Variants in FOXP2 observed in about 807,000 individuals in gnomAD.
FOXP2 encodes forkhead box protein P2.
A neutral mutation model predicts 115.8 loss-of-function variants in FOXP2; 12 were observed. That is an observed-to-expected ratio of 0.10 (90% CI 0.07 to 0.17). The LOEUF is 0.17. Ranked by LOEUF, FOXP2 falls within the 10% of genes least tolerant of loss-of-function variation. The probability of loss-of-function intolerance (pLI) is 1.00; values close to 1 mark genes in which losing one functional copy is unlikely to be tolerated. For missense variants in FOXP2, 629 were observed against 843.5 expected, an observed-to-expected ratio of 0.75 and a Z score of 3.15; for synonymous variants, 328 against 297.7, an observed-to-expected ratio of 1.10 and a Z score of -1.05.
Position 114,311,578 on chromosome 7 carries a change from C to T in FOXP2, c.-11+23469C>T, listed in dbSNP as rs572952952. On this transcript the variant is annotated intron_variant, in intron 2 of 17. Coordinates refer to the FOXP2 transcript ENST00000634411. ...AACGCCATTTAGTTATATTCTGGTG[C>T]GTTTTCCTTCTGCAGGAACTCAAAC... Among the ~76,000 whole-genome samples, 11 of 152,204 alleles carry T rather than the reference C, an allele frequency of 7.2e-5. No individual in the cohort carries two copies. In the South Asian group the frequency reaches 2.1e-3, roughly 29 times the overall value.
At chr7:114,376,433 A>G (rs933537419) in intron 2 of FOXP2, among the ~76,000 whole-genome samples, 3 of 152,218 alleles carry the variant, frequency 2.0e-5, no homozygotes, top group Non-Finnish European at 4.4e-5. Context: ...AATGAACAAT[A>G]TGTGAGAGAA....
intron 1 of FOXP2, among the ~76,000 whole-genome samples, chr7:114,133,731 C>T (rs1384045508): frequency 6.6e-6 from 1 of 152,178 alleles, no homozygotes; most frequent in Non-Finnish European, 1.5e-5. Flanking sequence ...TTAGTTCTCT[C>T]TCTCATGATA....
intron 3 of FOXP2, among the ~76,000 whole-genome samples, chr7:114,575,773 A>G (rs573803669): frequency 2.6e-5 from 4 of 152,038 alleles, no homozygotes; most frequent in African/African-American, 4.8e-5. Flanking sequence ...CTTCCTTCCT[A>G]TATTATAAAC....
At chr7:114,124,647 G>T (rs1791653980) in intron 1 of FOXP2, among the ~76,000 whole-genome samples, 1 of 152,024 alleles carries the variant, frequency 6.6e-6, no homozygotes, top group Admixed American at 6.6e-5. Flanking sequence ...GAGGCAGTGA[G>T]CTAAGAATAT....
chr7:114,261,324 C>G (rs1274743349), intron 1 of FOXP2, among the ~76,000 whole-genome samples: 1 of 152,080 alleles, frequency 6.6e-6, no homozygotes, highest in African/African-American at 2.4e-5. Flanking sequence ...TTTGCACTTT[C>G]AAATCTAAAA....
chr7:114,480,937 A>G (rs890770726), intron 2 of FOXP2, among the ~76,000 whole-genome samples: 1 of 151,330 alleles, frequency 6.6e-6, no homozygotes, highest in East Asian at 1.9e-4. Context: ...CTTAACTCCC[A>G]GTATTCTCGA....
At chr7:114,348,092 A>G (rs116727966) in intron 2 of FOXP2, among the ~76,000 whole-genome samples, 2 of 152,214 alleles carry the variant, frequency 1.3e-5, no homozygotes, top group East Asian at 1.9e-4. Flanking sequence ...ATATCATTCT[A>G]TTAGAGAATT....
intron 2 of FOXP2, among the ~76,000 whole-genome samples, chr7:114,375,994 G>T (rs745535535): frequency 3.3e-5 from 5 of 152,168 alleles, no homozygotes; most frequent in African/African-American, 1.2e-4. Context: ...GACATAATCT[G>T]TCAAAGTGGA....
At chr7:114,672,295 A>G (rs1807529089) in intron 16 of FOXP2, among the ~76,000 whole-genome samples, 1 of 152,210 alleles carries the variant, frequency 6.6e-6, no homozygotes, top group South Asian at 2.1e-4. Context: ...TAAAAAGTAC[A>G]TATTGTTGGC....
At chr7:114,434,220 C>G (rs1794237742) in intron 2 of FOXP2, among the ~76,000 whole-genome samples, 1 of 151,602 alleles carries the variant, frequency 6.6e-6, no homozygotes, top group African/African-American at 2.4e-5. Context: ...CAAAATTTAG[C>G]TGATTGTCAT....
intron 3 of FOXP2, among the ~76,000 whole-genome samples, chr7:114,580,544 G>A (rs1331686081): frequency 6.6e-6 from 1 of 152,146 alleles, no homozygotes; most frequent in East Asian, 1.9e-4. Flanking sequence ...CACCACCACT[G>A]TGCTCCAGCC....
intron 2 of FOXP2, among the ~76,000 whole-genome samples, chr7:114,496,463 G>T (rs1797326580): frequency 6.6e-6 from 1 of 152,230 alleles, no homozygotes; most frequent in Non-Finnish European, 1.5e-5. Flanking sequence ...TATGTTCATT[G>T]AGTACTCTGG....
At chr7:114,104,992 T>A (rs1210255041) in intron 1 of FOXP2, among the ~76,000 whole-genome samples, 1 of 152,070 alleles carries the variant, frequency 6.6e-6, no homozygotes, top group East Asian at 1.9e-4. Flanking sequence ...GGACGTCTGA[T>A]CTGTATATTC....
intron 1 of FOXP2, among the ~76,000 whole-genome samples, chr7:114,136,429 A>T (rs953672613): frequency 6.6e-6 from 1 of 151,970 alleles, no homozygotes; most frequent in African/African-American, 2.4e-5. Context: ...CAGGGTATGA[A>T]ATAGGTGGTA....
intron 1 of FOXP2, among the ~76,000 whole-genome samples, chr7:114,238,951 A>T (rs1194321): frequency 0.66 from 97,422 of 147,102 alleles, 32,581 homozygotes; most frequent in Middle Eastern, 0.82. Flanking sequence ...AACATTTATA[A>T]ATATAAAAAT....
intron 2 of FOXP2, among the ~76,000 whole-genome samples, chr7:114,318,710 C>CAT (rs144291161): frequency 0.016 from 2,288 of 147,388 alleles, 56 homozygotes; most frequent in African/African-American, 0.048. Context: ...TTAGATAATT[C>CAT]ATATATATAT....
chr7:114,118,825 G>T (rs945436667), intron 1 of FOXP2, among the ~76,000 whole-genome samples: 1 of 152,098 alleles, frequency 6.6e-6, no homozygotes, highest in Non-Finnish European at 1.5e-5. Context: ...AATGCTAGGG[G>T]AAGGCAGAGA....
At chr7:114,603,538 T>C (rs1400971915) in intron 3 of FOXP2, among the ~76,000 whole-genome samples, 1 of 152,204 alleles carries the variant, frequency 6.6e-6, no homozygotes, top group Non-Finnish European at 1.5e-5. Context: ...TTTTACATAT[T>C]GACTGAGCTG....
intron 2 of FOXP2, among the ~76,000 whole-genome samples, chr7:114,359,915 T>G (rs1791705457): frequency 6.6e-6 from 1 of 152,104 alleles, no homozygotes; most frequent in South Asian, 2.1e-4. Context: ...GAGTTAAGGC[T>G]TTAGGGGACT....
Sources: gnomAD v4.1 joint callset for allele counts (sites outside exome capture counted in the v4.1 genomes callset) on GRCh38, gnomAD v4.1.1 for gene constraint, MANE v1.5 for transcripts, NCBI Gene and HGNC (gene_info 2026-07-23, HGNC 2026-07-21) for gene names.